The following PMS1 variants were observed in gnomAD, a reference collection of about 807,000 sequenced individuals.
PMS1 encodes the protein PMS1 protein homolog 1.
In PMS1, 79 loss-of-function variants were observed where a neutral mutation model predicts 93.1. The observed-to-expected ratio is 0.85, with a 90% CI of 0.71 to 1.02. PMS1 has a LOEUF of 1.02. Ranked by LOEUF, PMS1 falls within the 50% of genes least tolerant of loss-of-function variation. The probability of loss-of-function intolerance (pLI) is 0.00; values close to 1 mark genes in which losing one functional copy is unlikely to be tolerated. For synonymous variants in PMS1, 335 were observed against 363.4 expected (o/e 0.92, Z 0.89); for missense variants, 1,064 against 1,085.3 (o/e 0.98, Z 0.28).
chr2:189,868,621 C>G (rs2056875251), intron 11 of PMS1, among the ~76,000 whole-genome samples: 1 of 152,178 alleles, frequency 6.6e-6, no homozygotes, highest in Admixed American at 6.5e-5. Flanking sequence ...TCCACTGTCT[C>G]CCTTCCTGCC....
chr2:189,821,234 A>G lies in PMS1; in HGVS notation c.582+3054A>G, dbSNP rs1218421139. 2.6e-5 allele frequency among the ~76,000 whole-genome samples: 4 copies of G among 152,096 alleles called. No individual in the cohort carries two copies. In the East Asian group the frequency reaches 7.7e-4, roughly 29 times the overall value. On this transcript the variant is annotated intron_variant, in intron 5 of 12. Coordinates refer to ENST00000441310, the MANE Select transcript of PMS1 (RefSeq NM_000534.5). Reference sequence around the variant, plus strand: ...CACTTTGGGAGGCTGAGGTGAGTGGATCACGAGGTCAGGAGATCGAGACTA... The same window carrying G: ...CACTTTGGGAGGCTGAGGTGAGTGGGTCACGAGGTCAGGAGATCGAGACTA...
intron 4 of PMS1, among the ~76,000 whole-genome samples, chr2:189,808,256 C>T (rs1213705930): frequency 2.0e-5 from 3 of 151,988 alleles, no homozygotes; most frequent in African/African-American, 4.8e-5. Context: ...ATTGTAGGTA[C>T]GGGAACAACT....
At chr2:189,828,498 A>T (rs2052644235) in intron 5 of PMS1, among the ~76,000 whole-genome samples, 2 of 152,258 alleles carry the variant, frequency 1.3e-5, no homozygotes, top group South Asian at 4.1e-4. Flanking sequence ...TGCAGAGTTC[A>T]CTGGTAAATA....
intron 4 of PMS1, among the ~76,000 whole-genome samples, chr2:189,808,617 C>T (rs1320584996): frequency 6.6e-6 from 1 of 152,146 alleles, no homozygotes; most frequent in Non-Finnish European, 1.5e-5. Flanking sequence ...AGGCGTGAGC[C>T]ACTGTGCCCA....
intron 11 of PMS1, among the ~76,000 whole-genome samples, chr2:189,869,816 T>TA (rs398060888): frequency 0.16 from 21,207 of 134,804 alleles, 2,133 homozygotes; most frequent in African/African-American, 0.29. Context: ...GACTCCATCT[T>TA]AAAAAAAAAA....
intron 1 of PMS1, among the ~76,000 whole-genome samples, chr2:189,787,166 G>A (rs1001767306): frequency 6.6e-6 from 1 of 152,174 alleles, no homozygotes; most frequent in Non-Finnish European, 1.5e-5. Flanking sequence ...TGGAAGTAAG[G>A]CCCTAAAGTC....
chr2:189,849,624 TG>T lies in PMS1; in HGVS notation c.700-3030del, dbSNP rs781083776. On this transcript the variant is annotated intron_variant, in intron 6 of 12. Transcript: ENST00000441310. ...ATCTTGAATGCAGGTTTATTGTTTTTGTTGCTTTGTTTTTGCTTTCCCCAAC... is the reference window on the plus strand; with the variant it reads ...ATCTTGAATGCAGGTTTATTGTTTTTTTGCTTTGTTTTTGCTTTCCCCAAC... Among the ~76,000 whole-genome samples, 20 of 152,272 alleles carry T rather than the reference TG, an allele frequency of 1.3e-4. No homozygotes were observed. In the South Asian group the frequency reaches 1.7e-3, roughly 13 times the overall value.
At chr2:189,801,189 T>C (rs2049858899) in intron 3 of PMS1, among the ~76,000 whole-genome samples, 1 of 152,188 alleles carries the variant, frequency 6.6e-6, no homozygotes, top group Non-Finnish European at 1.5e-5. Flanking sequence ...GAGTAAACTA[T>C]TGGTATTTTA....
At chr2:189,817,369 T>C (rs1053945631) in intron 4 of PMS1, among the ~76,000 whole-genome samples, 6 of 152,252 alleles carry the variant, frequency 3.9e-5, no homozygotes, top group African/African-American at 1.4e-4. Flanking sequence ...TAAAAATATG[T>C]ACCTATGTAC....
Position 189,854,960 on chromosome 2 carries a change from A to G in PMS1, c.1688A>G (p.Tyr563Cys). The G allele has an allele frequency of 6.2e-7, 1 of 1,612,774 alleles. No individual in the cohort carries two copies. The highest frequency in any genetic ancestry group is 8.5e-7 in the Non-Finnish European group (1 of 1,178,852). The change falls in exon 9 of 13, where the codon TAT becomes TGT. Residue 563 changes from tyrosine to cysteine, a missense_variant. Physicochemically the swap from Tyr to Cys is radical, Grantham distance 194 (BLOSUM62 -2). Transcript: ENST00000441310. ...AATAAATCTGGAAAAGTTACAGCTT[A>G]TGATTTACTTAGCAATCGAGTAATC... Reference protein sequence around the residue: ...IDNKSGKVTAYDLLSNRVIKK... With the variant: ...IDNKSGKVTACDLLSNRVIKK...
rs972672920 is a variant in PMS1, at chr2:189,809,447, C to CTTTTTTTTTTTTTTTTTTTTTTTTT, written c.418+3696_418+3720dup. Among the ~76,000 whole-genome samples the CTTTTTTTTTTTTTTTTTTTTTTTTT allele has an allele frequency of 3.0e-4, 19 of 63,460 alleles. 3 individuals carry two copies. Among genetic ancestry groups the CTTTTTTTTTTTTTTTTTTTTTTTTT allele is most frequent in the East Asian group, 4.4e-4 (1 of 2,272 alleles). 41.6% of individuals were successfully genotyped at this position (63,460 alleles called of 152,430 possible). A position where few individuals can be genotyped will look rare whatever the true frequency, so the allele number is the denominator to read the frequency against. The stretch of plus-strand genomic sequence containing the variant: ...TTGGTGCTTTTAAGGAAGCACATTT[C>CTTTTTTTTTTTTTTTTTTTTTTTTT]TTTTTTTTTTTTTTTTTTTTTTTTT... On this transcript the variant is annotated intron_variant, in intron 4 of 12. Transcript: ENST00000441310.
At chr2:189,794,923 C>T (rs908618171) in intron 2 of PMS1, among the ~76,000 whole-genome samples, 4 of 151,724 alleles carry the variant, frequency 2.6e-5, no homozygotes, top group Non-Finnish European at 4.4e-5. Context: ...AAAGTGAGAC[C>T]CCACCTGTAC....
intron 3 of PMS1, among the ~76,000 whole-genome samples, chr2:189,799,683 G>A (rs2049704204): frequency 6.6e-6 from 1 of 152,176 alleles, no homozygotes; most frequent in African/African-American, 2.4e-5. Flanking sequence ...CCCACTTCAG[G>A]ACTGAGCAGT....
rs749164046 is a variant in PMS1, at chr2:189,854,553, C to T, written c.1281C>T (p.Asn427=). Residue 427 remains asparagine (N), a synonymous_variant, in exon 9 of 13, where the codon AAC becomes AAT. Transcript: ENST00000441310. ...GTCATTGTAGTAGTGAAATTTCTAACATTGATAAAAACACTAAGAATGCAT... is the reference window on the plus strand; with the variant it reads ...GTCATTGTAGTAGTGAAATTTCTAATATTGATAAAAACACTAAGAATGCAT... ...GYGHCSSEIS[N]IDKNTKNAFQ... 9.4e-5 allele frequency: 151 copies of T among 1,613,040 alleles called. No homozygotes were observed. The highest frequency in any genetic ancestry group is 1.3e-4 in the Non-Finnish European group (148 of 1,179,354).
chr2:189,841,704 T>C (rs764369238), intron 5 of PMS1, among the ~76,000 whole-genome samples: 1 of 151,926 alleles, frequency 6.6e-6, no homozygotes, highest in Non-Finnish European at 1.5e-5. Context: ...CTTTCTCTGT[T>C]ATAGACTTCT....
chr2:189,866,065 G>A (rs1233283026), intron 10 of PMS1, among the ~76,000 whole-genome samples: 2 of 152,130 alleles, frequency 1.3e-5, no homozygotes, highest in African/African-American at 4.8e-5. Context: ...CTTGAGATTG[G>A]CTTAGGAAAC....
chr2:189,864,690 ATATATATATATATAT>A (rs2056469687), intron 10 of PMS1, among the ~76,000 whole-genome samples: 6 of 8,392 alleles, frequency 7.1e-4, no homozygotes, highest in African/African-American at 3.3e-3. Flanking sequence ...AAAAAAAAAT[ATATATATATATATAT>A]ATATATATAT....
intron 8 of PMS1, 28 bp downstream of exon 8, chr2:189,854,110 A>T (rs765329211): frequency 1.5e-5 from 23 of 1,512,376 alleles, no homozygotes; most frequent in Admixed American, 3.5e-5. Flanking sequence ...ATTTTTTCTT[A>T]TGCTATTTAT....
chr2:189,868,932 C>CT (rs2056901833), intron 11 of PMS1, among the ~76,000 whole-genome samples: 1 of 152,178 alleles, frequency 6.6e-6, no homozygotes, highest in African/African-American at 2.4e-5. Flanking sequence ...CCTGGCCTCA[C>CT]TGTGTCTTCA....
Sources: gnomAD v4.1 joint callset for allele counts (sites outside exome capture counted in the v4.1 genomes callset) on GRCh38, gnomAD v4.1.1 for gene constraint, MANE v1.5 for transcripts, NCBI Gene and HGNC (gene_info 2026-07-23, HGNC 2026-07-21) for gene names.